PDE3A: variants seen among roughly 807,000 people sequenced by gnomAD.
PDE3A encodes the protein cGMP-inhibited 3',5'-cyclic phosphodiesterase 3A.
Under a neutral mutation model 98.3 loss-of-function variants are expected in PDE3A, and 43 were observed. The ratio of observed to expected loss-of-function variants is 0.44; its 90% CI spans 0.34 to 0.56. The LOEUF is 0.56. Ranked by LOEUF, PDE3A falls within the 20% of genes least tolerant of loss-of-function variation. The pLI, the probability that PDE3A is intolerant of heterozygous loss-of-function variation, is 0.01. For synonymous variants in PDE3A, 663 were observed against 567.9 expected, an observed-to-expected ratio of 1.17 and a Z score of -2.38; for missense variants, 1,427 against 1,440.7, an observed-to-expected ratio of 0.99 and a Z score of 0.15.
intron 1 of PDE3A, among the ~76,000 whole-genome samples, chr12:20,406,593 T>C (rs1003104197): frequency 2.0e-5 from 3 of 152,208 alleles, no homozygotes; most frequent in African/African-American, 4.8e-5. Context: ...GTTCCCGATA[T>C]ATTTTGGATA....
intron 2 of PDE3A, among the ~76,000 whole-genome samples, chr12:20,601,652 C>G (rs946691600): frequency 1.3e-5 from 2 of 152,040 alleles, no homozygotes; most frequent in Non-Finnish European, 2.9e-5. Flanking sequence ...GCAACTTAGA[C>G]AAATCATTAA....
intron 10 of PDE3A, among the ~76,000 whole-genome samples, chr12:20,641,555 C>G (rs1200357159): frequency 6.6e-6 from 1 of 152,050 alleles, no homozygotes; most frequent in African/African-American, 2.4e-5. Flanking sequence ...GTTATATTTT[C>G]AAATGTATTT....
intron 5 of PDE3A, among the ~76,000 whole-genome samples, chr12:20,622,045 T>C (rs1204731191): frequency 6.6e-6 from 1 of 152,138 alleles, no homozygotes; most frequent in African/African-American, 2.4e-5. Flanking sequence ...GTTTCACTTC[T>C]CAGTATTACA....
At chr12:20,505,487 C>T (rs1424488262) in intron 1 of PDE3A, among the ~76,000 whole-genome samples, 2 of 151,990 alleles carry the variant, frequency 1.3e-5, no homozygotes, top group African/African-American at 4.8e-5. Context: ...CTCAAGGGGG[C>T]TCTTTTGTAC....
chr12:20,512,904 A>G (rs1946253660), intron 1 of PDE3A, among the ~76,000 whole-genome samples: 1 of 152,160 alleles, frequency 6.6e-6, no homozygotes, highest in Non-Finnish European at 1.5e-5. Context: ...AAATATAACC[A>G]TTCAATAATG....
Position 20,552,757 on chromosome 12 carries a change from C to T in PDE3A, c.961-3903C>T, listed in dbSNP as rs1451349742. 1 of 1,613,936 alleles carries T rather than the reference C, an allele frequency of 6.2e-7. No individual in the cohort carries two copies. Among genetic ancestry groups the T allele is most frequent in the Non-Finnish European group, 8.5e-7 (1 of 1,179,914 alleles). ...CAAGGACCGGCCGGCGAGCGGCAGCCCGTTCCAGTTGTTCCTGAGTAAAGT... is the reference window on the plus strand; with the variant it reads ...CAAGGACCGGCCGGCGAGCGGCAGCTCGTTCCAGTTGTTCCTGAGTAAAGT... On this transcript the variant is annotated intron_variant, in intron 1 of 15. Transcript: ENST00000359062. This position sits in a 1 kb window ranked among gnomAD's most constrained non-coding sequence, Gnocchi z 5.1.
At chr12:20,538,784 A>G (rs1028955566) in intron 1 of PDE3A, among the ~76,000 whole-genome samples, 1 of 152,102 alleles carries the variant, frequency 6.6e-6, no homozygotes, top group Non-Finnish European at 1.5e-5. Context: ...AGCTGGGACT[A>G]TAGGTGTGTG....
chr12:20,548,656 A>C (rs1942120703), intron 1 of PDE3A, among the ~76,000 whole-genome samples: 1 of 152,170 alleles, frequency 6.6e-6, no homozygotes, highest in South Asian at 2.1e-4. Context: ...GAATTGCTTA[A>C]GTAGCATGCT....
intron 1 of PDE3A, among the ~76,000 whole-genome samples, chr12:20,514,821 GACCTA>G (rs1254178773): frequency 6.6e-6 from 1 of 152,188 alleles, no homozygotes; most frequent in Non-Finnish European, 1.5e-5. Flanking sequence ...TTTGGCATGT[GACCTA>G]ACCCAAGTTT....
At chr12:20,593,058 A>ATAAT (rs1486948677) in intron 2 of PDE3A, among the ~76,000 whole-genome samples, 1 of 152,196 alleles carries the variant, frequency 6.6e-6, no homozygotes, top group African/African-American at 2.4e-5. Context: ...CAACAATATC[A>ATAAT]TAATAGATGT....
intron 1 of PDE3A, among the ~76,000 whole-genome samples, chr12:20,409,938 T>C (rs1944303354): frequency 6.6e-6 from 1 of 152,218 alleles, no homozygotes; most frequent in Non-Finnish European, 1.5e-5. Flanking sequence ...AAATGGATTA[T>C]CTCATAGACA....
At chr12:20,488,105 C>T (rs1036558434) in intron 1 of PDE3A, among the ~76,000 whole-genome samples, 1 of 151,972 alleles carries the variant, frequency 6.6e-6, no homozygotes, top group Admixed American at 6.6e-5. Context: ...AACAAAAATA[C>T]CCTTTCCTTG....
At chr12:20,659,419 C>G (rs1484412113) in intron 15 of PDE3A, among the ~76,000 whole-genome samples, 1 of 152,112 alleles carries the variant, frequency 6.6e-6, no homozygotes, top group African/African-American at 2.4e-5. Flanking sequence ...CTTTGTCACC[C>G]CCATAGAAAT....
intron 1 of PDE3A, among the ~76,000 whole-genome samples, chr12:20,410,059 T>C (rs1944305773): frequency 6.6e-6 from 1 of 152,234 alleles, no homozygotes; most frequent in Non-Finnish European, 1.5e-5. Context: ...TACATGTCTG[T>C]TAGGATTCCC....
At chr12:20,433,310 AACTGGAG>A (rs1311751682) in intron 1 of PDE3A, among the ~76,000 whole-genome samples, 4 of 152,144 alleles carry the variant, frequency 2.6e-5, no homozygotes, top group Non-Finnish European at 5.9e-5. Flanking sequence ...CCCTTAGAAA[AACTGGAG>A]ACTATGTGTT....
chr12:20,439,309 T>C (rs1944829838), intron 1 of PDE3A, among the ~76,000 whole-genome samples: 1 of 152,198 alleles, frequency 6.6e-6, no homozygotes, highest in South Asian at 2.1e-4. Flanking sequence ...ATTTACTTTT[T>C]CCTAACATTG....
At chr12:20,654,660 CTTTTTTT>C (rs71442265) in intron 15 of PDE3A, among the ~76,000 whole-genome samples, 87 of 85,856 alleles carry the variant, frequency 1.0e-3, no homozygotes, top group Non-Finnish European at 1.5e-3. Flanking sequence ...CTACACCCGG[CTTTTTTT>C]TTTTTTTTTT....
At chr12:20,398,488 A>G (rs867593592) in intron 1 of PDE3A, among the ~76,000 whole-genome samples, 12 of 152,180 alleles carry the variant, frequency 7.9e-5, no homozygotes, top group African/African-American at 2.9e-4. Context: ...AGTTATAAAC[A>G]GCCTCATATT....
At chr12:20,621,827 A>G (rs1239709119) in intron 5 of PDE3A, among the ~76,000 whole-genome samples, 1 of 152,128 alleles carries the variant, frequency 6.6e-6, no homozygotes, top group African/African-American at 2.4e-5. Flanking sequence ...AGGAATTTAG[A>G]TATCAAAATT....
Sources: gnomAD v4.1 joint callset for allele counts (sites outside exome capture counted in the v4.1 genomes callset) on GRCh38, gnomAD v4.1.1 for gene constraint, Gnocchi (gnomAD v3.1) non-coding constraint, MANE v1.5 for transcripts, NCBI Gene and HGNC (gene_info 2026-07-23, HGNC 2026-07-21) for gene names.